SYT2: variants seen among roughly 807,000 people sequenced by gnomAD.
The protein encoded by SYT2 is synaptotagmin-2.
Under a neutral mutation model 39.9 loss-of-function variants are expected in SYT2, and 15 were observed. The observed-to-expected ratio is 0.38, with a 90% confidence interval of 0.25 to 0.58. SYT2 has a LOEUF of 0.58. Among genes scored for constraint, SYT2 ranks in the 20% least tolerant of loss-of-function variants. SYT2 has a pLI of 0.70. For missense variants in SYT2, 389 were observed against 530.3 expected, an observed-to-expected ratio of 0.73 and a Z score of 2.62; for synonymous variants, 181 against 204.5, an observed-to-expected ratio of 0.89 and a Z score of 0.98.
chr1:202,680,922 G>A (rs1019147949), intron 1 of SYT2, among the ~76,000 whole-genome samples: 4 of 152,182 alleles, frequency 2.6e-5, no homozygotes, highest in Non-Finnish European at 5.9e-5. Context: ...CAGGTGATTT[G>A]AGGAGCAAGA....
intron 1 of SYT2, among the ~76,000 whole-genome samples, chr1:202,658,597 G>A (rs924028664): frequency 5.3e-5 from 8 of 152,098 alleles, no homozygotes; most frequent in African/African-American, 1.9e-4. Flanking sequence ...TGTGGCGTGT[G>A]TGTGCCTCAG....
intron 8 of SYT2, 94 bp from the exon 9 acceptor site, chr1:202,597,057 GA>G: frequency 8.6e-7 from 1 of 1,159,450 alleles, no homozygotes; most frequent in Non-Finnish European, 1.3e-6. Context: ...CAATGATTGG[GA>G]AGGTAAGGCC....
At chr1:202,693,034 T>G (rs1267179447) in intron 1 of SYT2, among the ~76,000 whole-genome samples, 1 of 152,208 alleles carries the variant, frequency 6.6e-6, no homozygotes, top group Non-Finnish European at 1.5e-5. Flanking sequence ...AGATGGTGTT[T>G]GGTTACATGA....
rs367810840 is a variant in SYT2, at chr1:202,694,472, G to C, written c.-18+15786C>G. 5.3e-5 allele frequency among the ~76,000 whole-genome samples: 8 copies of C among 152,282 alleles called. No homozygotes were observed. In the East Asian group the frequency reaches 9.6e-4, roughly 18 times the overall value. On this transcript the variant is annotated intron_variant, in intron 1 of 8. Transcript: ENST00000367268. ...GCGATGCACAGAATCCTGAATTTAA[G>C]TGGGCAGCCTGCCCACGTGGTGAGG...
intron 1 of SYT2, among the ~76,000 whole-genome samples, chr1:202,624,741 G>C (rs1284269763): frequency 6.7e-6 from 1 of 149,608 alleles, no homozygotes; most frequent in Admixed American, 6.6e-5. Context: ...TGTGTGGCAT[G>C]TAGTAGGGTG....
In SYT2 at chr1:202,648,382, A is replaced by G. The variant is rs771158458; in HGVS notation, c.-17-42593T>C. Among the ~76,000 whole-genome samples, 10 of 152,268 alleles carry G rather than the reference A, an allele frequency of 6.6e-5. No homozygotes were observed. In the East Asian group the frequency reaches 9.7e-4, roughly 15 times the overall value. ...TTTTTACTAGAGATGGGATTTCACC[A>G]TGTTGGCCAGGCTGGTCTCGAACTC... On this transcript the variant is annotated intron_variant, in intron 1 of 8. Coordinates refer to ENST00000367268, the MANE Select transcript of SYT2 (RefSeq NM_177402.5).
rs1690454701 is a variant in SYT2, at chr1:202,600,346, T to C, written c.919+11A>G. 4.3e-6 allele frequency: 7 copies of C among 1,612,466 alleles called. No homozygotes were observed. Among genetic ancestry groups the C allele is most frequent in the Non-Finnish European group, 5.9e-6 (7 of 1,178,644 alleles). Reference sequence around the variant, plus strand: ...GTGCCACCCAATGGCAGCCAGAAGCTCTCCACGTACCTGAAAGGCCGCCCA... The same window carrying C: ...GTGCCACCCAATGGCAGCCAGAAGCCCTCCACGTACCTGAAAGGCCGCCCA... On this transcript the variant is annotated intron_variant, in intron 7 of 8. Coordinates refer to ENST00000367268, the MANE Select transcript of SYT2 (RefSeq NM_177402.5).
rs751161852 is a variant in SYT2, at chr1:202,628,427, C to G, written c.-17-22638G>C. On this transcript the variant is annotated intron_variant, in intron 1 of 8. Transcript: ENST00000367268. The surrounding 1 kb of genome is among the most constrained non-coding windows in gnomAD (Gnocchi z 4.2). ...CAAAGAAGGTGCAGTCTGGTCCTCC[C>G]GTTTCCAAGAGCGCCTCCATCCTTC... is the stretch of plus-strand genomic sequence containing the variant. 6.6e-6 allele frequency among the ~76,000 whole-genome samples: 1 copy of G among 152,152 alleles called. No homozygotes were observed. The highest frequency in any genetic ancestry group is 1.5e-5 in the Non-Finnish European group (1 of 68,014).
chr1:202,636,358 G>T, intron 1 of SYT2: 1 of 985,274 alleles, frequency 1.0e-6, no homozygotes, highest in Admixed American at 6.1e-5. Flanking sequence ...ACCTCAGCCA[G>T]AAAGCCAGCA....
At chr1:202,694,995 C>CCT (rs1322824949) in intron 1 of SYT2, among the ~76,000 whole-genome samples, 1 of 152,102 alleles carries the variant, frequency 6.6e-6, no homozygotes, top group Non-Finnish European at 1.5e-5. Context: ...GGTCTCACCC[C>CCT]CTGCTTGGTC....
intron 1 of SYT2, among the ~76,000 whole-genome samples, chr1:202,683,171 A>G (rs866536958): frequency 6.6e-5 from 10 of 152,214 alleles, no homozygotes; most frequent in Non-Finnish European, 1.3e-4. Context: ...TGGAAAATGC[A>G]TACCCTACAA....
At chr1:202,647,363 C>T (rs1019003320) in intron 1 of SYT2, among the ~76,000 whole-genome samples, 3 of 152,178 alleles carry the variant, frequency 2.0e-5, no homozygotes, top group African/African-American at 7.2e-5. Flanking sequence ...AGTACTTTTG[C>T]AGTCTCCTGG....
intron 1 of SYT2, among the ~76,000 whole-genome samples, chr1:202,650,064 T>C (rs1425321445): frequency 3.9e-5 from 6 of 152,338 alleles, no homozygotes; most frequent in African/African-American, 1.4e-4. Flanking sequence ...GAGCCAGACA[T>C]GTAGGCCATC....
intron 1 of SYT2, among the ~76,000 whole-genome samples, chr1:202,691,707 GA>G (rs2149117326): frequency 1.7e-5 from 1 of 57,454 alleles, no homozygotes; most frequent in East Asian, 6.1e-4. Flanking sequence ...GGGAGAGGGA[GA>G]GGGAGAGGGA....
intron 3 of SYT2, among the ~76,000 whole-genome samples, chr1:202,603,772 T>G (rs552289443): frequency 6.6e-6 from 1 of 152,106 alleles, no homozygotes; most frequent in East Asian, 1.9e-4. Flanking sequence ...CAAGGACATA[T>G]ACACACACAC....
chr1:202,640,318 T>C (rs974974859), intron 1 of SYT2, among the ~76,000 whole-genome samples: 1 of 144,760 alleles, frequency 6.9e-6, no homozygotes, highest in African/African-American at 2.5e-5. Context: ...CAGAAGGACT[T>C]TGGGTCATCT....
chr1:202,597,036 A>T, intron 8 of SYT2, 73 bp from the exon 9 acceptor site: 1 of 1,332,546 alleles, frequency 7.5e-7, no homozygotes, highest in East Asian at 2.3e-5. Flanking sequence ...TCCTCCATCA[A>T]CCTCTACTCC....
At chr1:202,650,435 C>CTTTTTTTTTTTTT (rs68013997) in intron 1 of SYT2, among the ~76,000 whole-genome samples, 2 of 143,264 alleles carry the variant, frequency 1.4e-5, no homozygotes, top group Non-Finnish European at 3.0e-5. Context: ...GTTTCATATG[C>CTTTTTTTTTTTTT]TTTTGTTTTT....
chr1:202,694,558 T>TTA (rs1454710845), intron 1 of SYT2, among the ~76,000 whole-genome samples: 38 of 86,028 alleles, frequency 4.4e-4, no homozygotes, highest in African/African-American at 1.6e-3. Flanking sequence ...GAGGCTGAAT[T>TTA]TACACACACA....
Sources: gnomAD v4.1 joint callset for allele counts (sites outside exome capture counted in the v4.1 genomes callset) on GRCh38, gnomAD v4.1.1 for gene constraint, Gnocchi (gnomAD v3.1) non-coding constraint, MANE v1.5 for transcripts, NCBI Gene and HGNC (gene_info 2026-07-23, HGNC 2026-07-21) for gene names.